Variants in DLGAP1 observed in about 807,000 individuals in gnomAD.
DLGAP1 encodes the protein DLG associated protein 1.
DLGAP1 carries 11 observed loss-of-function variants against 90.8 expected under a neutral mutation model. The ratio of observed to expected loss-of-function variants is 0.12; its 90% confidence interval spans 0.08 to 0.20. The LOEUF is 0.20. Among genes scored for constraint, DLGAP1 ranks in the 10% least tolerant of loss-of-function variants. The probability of loss-of-function intolerance (pLI) is 1.00; values close to 1 mark genes in which losing one functional copy is unlikely to be tolerated. For synonymous variants in DLGAP1, 558 were observed against 540.7 expected, an observed-to-expected ratio of 1.03 and a Z score of -0.44; for missense variants, 1,050 against 1,333.8, an observed-to-expected ratio of 0.79 and a Z score of 3.31.
At chr18:3,942,861 G>T (rs112319673) in intron 3 of DLGAP1, among the ~76,000 whole-genome samples, 2 of 152,090 alleles carry the variant, frequency 1.3e-5, no homozygotes, top group East Asian at 1.9e-4. Flanking sequence ...TGGATATACC[G>T]TCTAGGGTTT....
intron 3 of DLGAP1, among the ~76,000 whole-genome samples, chr18:3,988,412 T>C (rs891313093): frequency 6.6e-6 from 1 of 152,206 alleles, no homozygotes; most frequent in African/African-American, 2.4e-5. Flanking sequence ...TTATGGTCTC[T>C]GCACAGTTAA....
intron 1 of DLGAP1, among the ~76,000 whole-genome samples, chr18:4,400,398 C>CA (rs1468874329): frequency 6.6e-6 from 1 of 152,228 alleles, no homozygotes; most frequent in Non-Finnish European, 1.5e-5. Flanking sequence ...GGAAAAAGGA[C>CA]AAGCTGAGTT....
intron 2 of DLGAP1, among the ~76,000 whole-genome samples, chr18:4,129,176 A>G (rs1193286718): frequency 6.6e-6 from 1 of 152,212 alleles, no homozygotes. Flanking sequence ...CACTGCATGA[A>G]GCACAAGAAA....
chr18:3,504,725 C>T (rs1313984734), intron 11 of DLGAP1, among the ~76,000 whole-genome samples: 1 of 152,186 alleles, frequency 6.6e-6, no homozygotes, highest in Non-Finnish European at 1.5e-5. Flanking sequence ...ATGGGCAACT[C>T]GTTCCCTTCT....
At chr18:4,058,447 C>G (rs2075253888) in intron 2 of DLGAP1, among the ~76,000 whole-genome samples, 1 of 152,192 alleles carries the variant, frequency 6.6e-6, no homozygotes, top group South Asian at 2.1e-4. Context: ...GCCCCAGGGC[C>G]AAGTTTTTCA....
At chr18:3,841,915 G>C (rs945260492) in intron 4 of DLGAP1, among the ~76,000 whole-genome samples, 1 of 152,122 alleles carries the variant, frequency 6.6e-6, no homozygotes, top group Admixed American at 6.5e-5. Context: ...TAGTGGAAGA[G>C]TCAAACAAGA....
intron 1 of DLGAP1, among the ~76,000 whole-genome samples, chr18:4,415,681 T>C (rs1417348170): frequency 2.0e-5 from 3 of 152,144 alleles, no homozygotes; most frequent in Non-Finnish European, 4.4e-5. Flanking sequence ...GATTCAAAAA[T>C]TGGCTCTGTC....
At chr18:4,144,233 C>T (rs189526538) in intron 2 of DLGAP1, among the ~76,000 whole-genome samples, 1 of 152,242 alleles carries the variant, frequency 6.6e-6, no homozygotes, top group Admixed American at 6.5e-5. Context: ...TATTTAGAAC[C>T]CCAGAGCACT....
chr18:3,558,846 T>C (rs1460192854), intron 9 of DLGAP1, among the ~76,000 whole-genome samples: 1 of 152,242 alleles, frequency 6.6e-6, no homozygotes, highest in Non-Finnish European at 1.5e-5. Flanking sequence ...TAATGATATA[T>C]GTAAAATACT....
At chr18:3,909,312 A>T (rs189530415) in intron 3 of DLGAP1, among the ~76,000 whole-genome samples, 261 of 152,268 alleles carry the variant, frequency 1.7e-3, no homozygotes, top group Non-Finnish European at 2.7e-3. Context: ...CTTATTCAAG[A>T]CTCAAGATCC....
chr18:3,986,498 A>C (rs2073846574), intron 3 of DLGAP1: 1 of 151,918 alleles, frequency 6.6e-6, no homozygotes, highest in South Asian at 2.1e-4. Context: ...TTCTAGCCTC[A>C]GTCTTCCAAA....
chr18:4,102,239 C>T (rs1325700968), intron 2 of DLGAP1, among the ~76,000 whole-genome samples: 1 of 152,172 alleles, frequency 6.6e-6, no homozygotes, highest in Non-Finnish European at 1.5e-5. Flanking sequence ...TCTATTGTGT[C>T]ACTTTCTGGA....
chr18:3,679,617 C>T (rs931129950), intron 7 of DLGAP1, among the ~76,000 whole-genome samples: 4 of 148,660 alleles, frequency 2.7e-5, no homozygotes, highest in South Asian at 2.2e-4. Context: ...TAGATAGGGC[C>T]GATGAGCTCC....
At chr18:4,363,152 C>A (rs545410718) in intron 1 of DLGAP1, among the ~76,000 whole-genome samples, 65 of 152,104 alleles carry the variant, frequency 4.3e-4, no homozygotes, top group Non-Finnish European at 8.4e-4. Context: ...CCCCAATATT[C>A]CTTGTGGAGA....
intron 5 of DLGAP1, among the ~76,000 whole-genome samples, chr18:3,754,973 A>G (rs1036565204): frequency 2.0e-5 from 3 of 152,102 alleles, no homozygotes; most frequent in African/African-American, 4.8e-5. Context: ...GCATGGCACC[A>G]TTTGCAGTGG....
In DLGAP1 at chr18:3,580,505, G is replaced by C. The variant is rs553529579; in HGVS notation, c.1965+1370C>G. Reference sequence around the variant, plus strand: ...CCACAAGGTGAGAGACCAGGAGGAGGAGGAGGAAGAGGAGGCGGCGGCAGC... The same window carrying C: ...CCACAAGGTGAGAGACCAGGAGGAGCAGGAGGAAGAGGAGGCGGCGGCAGC... On this transcript the variant is annotated intron_variant, in intron 8 of 12. Coordinates refer to ENST00000315677, the MANE Select transcript of DLGAP1 (RefSeq NM_004746.4). The C allele has an allele frequency of 4.9e-5, 79 of 1,599,474 alleles. No homozygotes were observed. The Middle Eastern group carries it at 7.7e-4, about 16-fold the overall frequency.
chr18:3,946,906 C>T (rs1408222472), intron 3 of DLGAP1, among the ~76,000 whole-genome samples: 1 of 152,140 alleles, frequency 6.6e-6, no homozygotes, highest in Admixed American at 6.5e-5. Context: ...TTAGAACTTA[C>T]TGCTTTAATT....
chr18:3,894,668 TC>T (rs2071569613), intron 3 of DLGAP1: 2 of 152,230 alleles, frequency 1.3e-5, no homozygotes, highest in Admixed American at 1.3e-4. Flanking sequence ...CAGTTTAGGC[TC>T]TTTTTTGATT....
intron 2 of DLGAP1, among the ~76,000 whole-genome samples, chr18:4,129,198 CT>C (rs374801701): frequency 1.4e-3 from 210 of 152,134 alleles, no homozygotes; most frequent in African/African-American, 4.7e-3. Context: ...TAAAAGAATC[CT>C]TTTGATAAAT....
Sources: allele counts gnomAD v4.1 joint callset (sites outside exome capture counted in the v4.1 genomes callset), GRCh38; gene constraint gnomAD v4.1.1; transcripts MANE v1.5; gene names NCBI Gene and HGNC (gene_info 2026-07-23, HGNC 2026-07-21).